Variants in RBM19 observed in about 807,000 individuals in gnomAD.
RBM19 encodes the protein probable RNA-binding protein 19.
In RBM19, 94 loss-of-function variants were observed where a neutral mutation model predicts 116.8. That is an observed-to-expected ratio of 0.80 (90% confidence interval 0.68 to 0.95). The LOEUF is 0.95. Among genes scored for constraint, RBM19 ranks in the 40% least tolerant of loss-of-function variants. RBM19 has a pLI of 0.00. For synonymous variants in RBM19, 475 were observed against 494.1 expected, an observed-to-expected ratio of 0.96 and a Z score of 0.51; for missense variants, 1,161 against 1,220.7, an observed-to-expected ratio of 0.95 and a Z score of 0.73.
intron 14 of RBM19, among the ~76,000 whole-genome samples, chr12:113,941,617 C>G (rs1345807407): frequency 8.0e-6 from 1 of 124,824 alleles, no homozygotes; most frequent in East Asian, 2.3e-4. Context: ...ATCCAACCAT[C>G]AAGCCATCCA....
At chr12:113,933,034 T>A (rs1869744682) in intron 16 of RBM19, among the ~76,000 whole-genome samples, 1 of 152,136 alleles carries the variant, frequency 6.6e-6, no homozygotes, top group African/African-American at 2.4e-5. Context: ...AAGACTGTTA[T>A]CAGTTGCAAG....
chr12:113,946,577 C>G, intron 11 of RBM19, 102 bp from the exon 12 acceptor site: 1 of 1,494,876 alleles, frequency 6.7e-7, no homozygotes, highest in Non-Finnish European at 9.2e-7. Flanking sequence ...CTGGACCCAG[C>G]ACTGAAACCC....
intron 16 of RBM19, among the ~76,000 whole-genome samples, chr12:113,928,194 G>A (rs891857003): frequency 2.0e-5 from 3 of 152,006 alleles, no homozygotes; most frequent in South Asian, 4.1e-4. Context: ...AAAATTAGCC[G>A]GGCATGGTGG....
At position 113,933,413 on chromosome 12, in the gene RBM19, G is replaced by A. The variant is rs567895610; in HGVS notation, c.2068+3594C>T. On this transcript the variant is annotated intron_variant, in intron 16 of 23. Transcript: ENST00000261741. The stretch of plus-strand genomic sequence containing the variant: ...CCAGGAGGGGCTGTGCATGTGCTGC[G>A]TGCAGTGAGGGCAGGAGGAGGCCCT... Among the ~76,000 whole-genome samples the A allele has an allele frequency of 1.6e-4, 25 of 152,296 alleles. No homozygotes were observed. In the East Asian group the frequency reaches 1.9e-3, roughly 12 times the overall value.
intron 21 of RBM19, among the ~76,000 whole-genome samples, chr12:113,910,228 C>T (rs1434796995): frequency 6.6e-6 from 1 of 152,208 alleles, no homozygotes; most frequent in Non-Finnish European, 1.5e-5. Flanking sequence ...CCCACCCTCT[C>T]CCTGAGCCTT....
intron 21 of RBM19, among the ~76,000 whole-genome samples, chr12:113,906,222 T>C (rs1351623071): frequency 1.3e-5 from 2 of 152,218 alleles, no homozygotes; most frequent in East Asian, 1.9e-4. Context: ...CAAATGCTCA[T>C]TGGTAAAATG....
At chr12:113,912,012 A>T (rs1882459747) in intron 21 of RBM19, among the ~76,000 whole-genome samples, 1 of 152,144 alleles carries the variant, frequency 6.6e-6, no homozygotes, top group African/African-American at 2.4e-5. Flanking sequence ...GTCACCCTAG[A>T]CAGTGATCCC....
At chr12:113,840,962 T>A (rs886878499) in intron 23 of RBM19, among the ~76,000 whole-genome samples, 1 of 151,878 alleles carries the variant, frequency 6.6e-6, no homozygotes, top group Non-Finnish European at 1.5e-5. Flanking sequence ...CGAATTCTGC[T>A]CCCCCCTGGG....
rs1872102500 is a variant in RBM19, at chr12:113,957,838, C to T, written c.784G>A (p.Gly262Ser). ...VLQERDSKGA[G>S]QEQGMPAGKK... ...CCAGCTGGCATCCCTTGCTCTTGGCCTGCACCCTTGCTGTCTCTTTCCTGC... is the reference window on the plus strand; with the variant it reads ...CCAGCTGGCATCCCTTGCTCTTGGCTTGCACCCTTGCTGTCTCTTTCCTGC... The change falls in exon 6 of 24, where the codon GGC becomes AGC. Residue 262 changes from glycine to serine, a missense_variant. Coordinates refer to ENST00000261741, the MANE Select transcript of RBM19 (RefSeq NM_016196.4). 3.7e-6 allele frequency: 6 copies of T among 1,613,754 alleles called. No homozygotes were observed. Among genetic ancestry groups the T allele is most frequent in the Non-Finnish European group, 5.1e-6 (6 of 1,179,788 alleles).
chr12:113,847,560 G>A (rs985292292), intron 22 of RBM19, among the ~76,000 whole-genome samples: 23 of 152,190 alleles, frequency 1.5e-4, no homozygotes, highest in African/African-American at 5.3e-4. Context: ...GGAGTCTGGT[G>A]TGGCGGATGT....
At chr12:113,856,282 C>T (rs1391029823) in intron 22 of RBM19, among the ~76,000 whole-genome samples, 1 of 152,234 alleles carries the variant, frequency 6.6e-6, no homozygotes, top group African/African-American at 2.4e-5. Flanking sequence ...ACATCCACAG[C>T]CGGGCCTGGG....
intron 21 of RBM19, among the ~76,000 whole-genome samples, chr12:113,874,884 G>C (rs753302557): frequency 5.9e-5 from 9 of 152,250 alleles, no homozygotes. Flanking sequence ...GAGCGGGCAT[G>C]GTCACTGAGT....
chr12:113,890,591 C>T (rs540851378), intron 21 of RBM19, among the ~76,000 whole-genome samples: 51 of 152,308 alleles, frequency 3.3e-4, no homozygotes, highest in African/African-American at 1.2e-3. Flanking sequence ...GGGGAATGTT[C>T]AGGGATGGCA....
chr12:113,918,716 C>T (rs1236498887), intron 19 of RBM19, among the ~76,000 whole-genome samples: 5 of 152,330 alleles, frequency 3.3e-5, no homozygotes, highest in African/African-American at 9.6e-5. Context: ...TCAAGGGACA[C>T]GGAATTTTCC....
intron 21 of RBM19, among the ~76,000 whole-genome samples, chr12:113,879,131 T>C (rs1410893613): frequency 6.6e-6 from 1 of 152,096 alleles, no homozygotes; most frequent in African/African-American, 2.4e-5. Context: ...CCTGGGAGCT[T>C]GCTCAATCCA....
At chr12:113,837,684 G>C (rs554613199) in intron 23 of RBM19, among the ~76,000 whole-genome samples, 135 of 152,346 alleles carry the variant, frequency 8.9e-4, no homozygotes, top group African/African-American at 3.2e-3. Context: ...ACAAATACTC[G>C]GTACAGCAGG....
chr12:113,843,411 G>A (rs748803100), intron 23 of RBM19, among the ~76,000 whole-genome samples: 4 of 152,178 alleles, frequency 2.6e-5, no homozygotes, highest in Non-Finnish European at 5.9e-5. Flanking sequence ...AATGAGGTGG[G>A]GAGGAATGCG....
chr12:113,819,130 G>T (rs112668127), downstream of RBM19, among the ~76,000 whole-genome samples: 1 of 152,200 alleles, frequency 6.6e-6, no homozygotes, highest in African/African-American at 2.4e-5. Flanking sequence ...GACCCACAGC[G>T]GGTGGGAGAC....
chr12:113,846,257 C>T (rs567375150), intron 22 of RBM19, among the ~76,000 whole-genome samples: 1 of 152,166 alleles, frequency 6.6e-6, no homozygotes, highest in Non-Finnish European at 1.5e-5. Flanking sequence ...GTTTGCTGCT[C>T]TTGTTTCTTT....
Sources: gnomAD v4.1 joint callset for allele counts (sites outside exome capture counted in the v4.1 genomes callset) on GRCh38, gnomAD v4.1.1 for gene constraint, MANE v1.5 for transcripts, NCBI Gene and HGNC (gene_info 2026-07-23, HGNC 2026-07-21) for gene names.